Variants in NR2F2 observed in about 807,000 individuals in gnomAD.
The protein encoded by NR2F2 is COUP transcription factor 2.
In NR2F2, 2 loss-of-function variants were observed where a neutral mutation model predicts 34.8. That is an observed-to-expected ratio of 0.06 (90% CI 0.02 to 0.18). The LOEUF (loss-of-function observed/expected upper bound fraction) is 0.18. NR2F2 is among the 10% of genes least tolerant of loss of function. The pLI, the probability that NR2F2 is intolerant of heterozygous loss-of-function variation, is 1.00. For synonymous variants in NR2F2, 274 were observed against 251.8 expected, an observed-to-expected ratio of 1.09 and a Z score of -0.84; for missense variants, 300 against 580.1, an observed-to-expected ratio of 0.52 and a Z score of 4.96.
At chr15:96,336,973 G>C (rs1899346370) in intron 2 of NR2F2, among the ~76,000 whole-genome samples, 1 of 152,092 alleles carries the variant, frequency 6.6e-6, no homozygotes, top group Non-Finnish European at 1.5e-5. Context: ...GGGAGAGAGT[G>C]CTGGTAGTTT....
rs1346509804 is a variant in NR2F2 at position 96,339,815 on chromosome 15, C to G, written c.*2193C>G. 1.3e-5 allele frequency: 2 copies of G among 151,966 alleles called. No homozygotes were observed. The highest frequency in any genetic ancestry group is 2.4e-5 in the African/African-American group (1 of 41,324). 9.4% of individuals were successfully genotyped at this position (151,966 alleles called of 1,614,324 possible). A position where few individuals can be genotyped will look rare whatever the true frequency, so the allele number is the denominator to read the frequency against. The stretch of plus-strand genomic sequence containing the variant: ...ATTCAAGGTTTCCAACCCACCCCCC[C>G]ACCGCCAGTACTTCATCATGTTGTG... On this transcript the variant is annotated 3_prime_UTR_variant, in exon 3 of 3. Coordinates refer to ENST00000394166, the MANE Select transcript of NR2F2 (RefSeq NM_021005.4).
At chr15:96,326,060 A>T, upstream of NR2F2, 1 of 579,810 alleles carries the variant, frequency 1.7e-6, no homozygotes, top group Non-Finnish European at 3.1e-6. The surrounding 1 kb of genome is among the most constrained non-coding windows in gnomAD (Gnocchi z 5.5). Flanking sequence ...GTTAGTGTGC[A>T]GGGTTTTCCA....
chr15:96,328,706 G>T (rs1205573210), upstream of NR2F2, among the ~76,000 whole-genome samples: 1 of 151,272 alleles, frequency 6.6e-6, no homozygotes, highest in Non-Finnish European at 1.5e-5. Flanking sequence ...TCATTCTGTG[G>T]CAATCTTATT....
Position 96,330,969 on chromosome 15 carries a change from G to A in NR2F2, c.-1137G>A, listed in dbSNP as rs1899119062. The A allele has an allele frequency of 4.2e-6, 5 of 1,188,288 alleles. No homozygotes were observed. Among genetic ancestry groups the A allele is most frequent in the Non-Finnish European group, 5.2e-6 (5 of 959,026 alleles). The allele number at this position is 1,188,288 out of a possible 1,614,324, so 73.6% of individuals were successfully genotyped here. The stretch of plus-strand genomic sequence containing the variant: ...CACGAAGGATGTGCTTCTAGGTGGT[G>A]ATCTGCCCTCCTCTCTCTCTTTTAT... On this transcript the variant is annotated 5_prime_UTR_variant, in exon 1 of 3. Transcript: ENST00000394166.
At chr15:96,333,676 C>T (rs1294012285) in intron 1 of NR2F2, 2 of 1,105,892 alleles carry the variant, frequency 1.8e-6, no homozygotes, top group African/African-American at 3.2e-5. Flanking sequence ...AAGCGCCTCA[C>T]CCTCCCCCCA....
chr15:96,327,272 A>T (rs1192393256), upstream of NR2F2: 1 of 152,174 alleles, frequency 6.6e-6, no homozygotes, highest in Non-Finnish European at 1.5e-5. Context: ...GAGCCAATTA[A>T]TTTTAAATCC....
rs1899123213 is a variant in NR2F2 at position 96,331,055 on chromosome 15, AGCAGCAGCAGCAGCGGCTCCG to A, written c.-1048_-1028del. ...CCTATGTGTGTGAGGCGGCGGCGGC[AGCAGCAGCAGCAGCGGCTCCG>A]GCGGCGGCAGCAGCGGCAGCAGCGA... On this transcript the variant is annotated 5_prime_UTR_variant, in exon 1 of 3. Coordinates refer to ENST00000394166, the MANE Select transcript of NR2F2 (RefSeq NM_021005.4). The A allele has an allele frequency of 8.4e-7, 1 of 1,185,756 alleles. No homozygotes were observed. Among genetic ancestry groups the A allele is most frequent in the Non-Finnish European group, 1.0e-6 (1 of 957,192 alleles). The allele number at this position is 1,185,756 out of a possible 1,614,324, so 73.5% of individuals were successfully genotyped here.
In NR2F2 at chr15:96,332,040, G is replaced by A; in HGVS notation, c.-66G>A. The A allele has an allele frequency of 6.4e-6, 8 of 1,241,654 alleles. No individual in the cohort carries two copies. Among genetic ancestry groups the A allele is most frequent in the Non-Finnish European group, 8.1e-6 (8 of 991,780 alleles). The allele number at this position is 1,241,654 out of a possible 1,614,324, so 76.9% of individuals were successfully genotyped here. On this transcript the variant is annotated 5_prime_UTR_variant, in exon 1 of 3. Transcript: ENST00000394166. ...CGCGCCGGAGCCCGAGACCCGGGGAGCCGCCGCCGCCCCGCCGCCGCCCGC... is the reference window on the plus strand; with the variant it reads ...CGCGCCGGAGCCCGAGACCCGGGGAACCGCCGCCGCCCCGCCGCCGCCCGC...
At position 96,330,949 on chromosome 15, in the gene NR2F2, A is replaced by G; in HGVS notation, c.-1157A>G. On this transcript the variant is annotated 5_prime_UTR_variant, in exon 1 of 3. Coordinates refer to ENST00000394166, the MANE Select transcript of NR2F2 (RefSeq NM_021005.4). ...CTTTTTCTCCCCCCTCTGCGCACGA[A>G]GGATGTGCTTCTAGGTGGTGATCTG... 1 of 1,152,240 alleles carries G rather than the reference A, an allele frequency of 8.7e-7. No individual in the cohort carries two copies. Among genetic ancestry groups the G allele is most frequent in the South Asian group, 4.3e-5 (1 of 23,512 alleles). 71.4% of individuals were successfully genotyped at this position (1,152,240 alleles called of 1,614,324 possible).
In NR2F2 at chr15:96,332,076, G is replaced by C. The variant is rs1357358634; in HGVS notation, c.-30G>C. 7.8e-7 allele frequency: 1 copy of C among 1,281,128 alleles called. No individual in the cohort carries two copies. The highest frequency in any genetic ancestry group is 3.2e-5 in the East Asian group (1 of 31,106). The allele number at this position is 1,281,128 out of a possible 1,614,324, so 79.4% of individuals were successfully genotyped here. On this transcript the variant is annotated 5_prime_UTR_variant, in exon 1 of 3. Transcript: ENST00000394166. ...CCCGCCGCCGCCCGCAGCCAGGGGA[G>C]CAGGAAGTCCGGACGCAGCCCCCAT...
chr15:96,331,331 A>G lies in NR2F2; in HGVS notation c.-775A>G. 1 of 1,196,374 alleles carries G rather than the reference A, an allele frequency of 8.4e-7. No individual in the cohort carries two copies. 74.1% of individuals were successfully genotyped at this position (1,196,374 alleles called of 1,614,324 possible). On this transcript the variant is annotated 5_prime_UTR_variant, in exon 1 of 3. Coordinates refer to ENST00000394166, the MANE Select transcript of NR2F2 (RefSeq NM_021005.4). ...CCAGGACGACGCCGCGCAGCGCCCG[A>G]CGCGGACCACTTTCATGCTGATTCC...
At chr15:96,326,464 G>A (rs991515235), upstream of NR2F2, 5 of 913,704 alleles carry the variant, frequency 5.5e-6, no homozygotes, top group Admixed American at 3.9e-5. The surrounding 1 kb of genome is among the most constrained non-coding windows in gnomAD (Gnocchi z 5.5). Context: ...GTTTGCTAAC[G>A]TGTATGAAAT....
At chr15:96,329,769 C>CT (rs1456002973), upstream of NR2F2, among the ~76,000 whole-genome samples, 3 of 152,054 alleles carry the variant, frequency 2.0e-5, no homozygotes, top group African/African-American at 7.2e-5. Context: ...AGGATGTTGG[C>CT]TGGAGAGTTA....
Position 96,331,233 on chromosome 15 carries a change from G to A in NR2F2, c.-873G>A. 1.0e-6 allele frequency: 1 copy of A among 982,918 alleles called. No homozygotes were observed. Among genetic ancestry groups the A allele is most frequent in the Non-Finnish European group, 1.2e-6 (1 of 829,536 alleles). 60.9% of individuals were successfully genotyped at this position (982,918 alleles called of 1,614,324 possible). A position where few individuals can be genotyped will look rare whatever the true frequency, so the allele number is the denominator to read the frequency against. On this transcript the variant is annotated 5_prime_UTR_variant, in exon 1 of 3. Coordinates refer to ENST00000394166, the MANE Select transcript of NR2F2 (RefSeq NM_021005.4). Reference sequence around the variant, plus strand: ...CGAGCGGCCTCCACCCAGCGACTGCGGGCGGCGGCGGCCGGAGAGAGCGAG... The same window carrying A: ...CGAGCGGCCTCCACCCAGCGACTGCAGGCGGCGGCGGCCGGAGAGAGCGAG...
upstream of NR2F2, chr15:96,327,359 A>C (rs1378912308): frequency 6.6e-6 from 1 of 152,178 alleles, no homozygotes. Context: ...GTTTCCCTTT[A>C]AGAGCTCCTT....
At chr15:96,334,912 C>CCTCA (rs1596429101) in intron 2 of NR2F2, among the ~76,000 whole-genome samples, 1 of 152,366 alleles carries the variant, frequency 6.6e-6, no homozygotes, top group East Asian at 1.9e-4. Flanking sequence ...GCTCCCTTTC[C>CCTCA]TGAGCCCAGG....
intron 1 of NR2F2, 133 bp downstream of exon 1, chr15:96,332,680 C>T (rs961553941): frequency 6.9e-6 from 10 of 1,447,956 alleles, no homozygotes; most frequent in East Asian, 5.0e-5. Flanking sequence ...GGGTTTTATA[C>T]TAGAAGCGAG....
At position 96,332,030 on chromosome 15, in the gene NR2F2, G is replaced by C; in HGVS notation, c.-76G>C. The C allele has an allele frequency of 4.9e-6, 6 of 1,232,684 alleles. No individual in the cohort carries two copies. The highest frequency in any genetic ancestry group is 6.1e-6 in the Non-Finnish European group (6 of 986,644). 76.4% of individuals were successfully genotyped at this position (1,232,684 alleles called of 1,614,324 possible). A position where few individuals can be genotyped will look rare whatever the true frequency, so the allele number is the denominator to read the frequency against. On this transcript the variant is annotated 5_prime_UTR_variant, in exon 1 of 3. Coordinates refer to ENST00000394166, the MANE Select transcript of NR2F2 (RefSeq NM_021005.4). Reference sequence around the variant, plus strand: ...CAAAAGGCGGCGCGCCGGAGCCCGAGACCCGGGGAGCCGCCGCCGCCCCGC... The same window carrying C: ...CAAAAGGCGGCGCGCCGGAGCCCGACACCCGGGGAGCCGCCGCCGCCCCGC...
At position 96,338,265 on chromosome 15, in the gene NR2F2, G is replaced by A. The variant is rs1294493210; in HGVS notation, c.*643G>A. ...GTGACCAAAATTTTTAGGTGAAGTC[G>A]AGCACTCTAATTAGAGAACTGGAGG... On this transcript the variant is annotated 3_prime_UTR_variant, in exon 3 of 3. Transcript: ENST00000394166. 5 of 152,554 alleles carry A rather than the reference G, an allele frequency of 3.3e-5. No homozygotes were observed. Among genetic ancestry groups the A allele is most frequent in the Admixed American group, 6.6e-5 (1 of 15,262 alleles). 9.5% of individuals were successfully genotyped at this position (152,554 alleles called of 1,614,324 possible).
Sources: gnomAD v4.1 joint callset for allele counts (sites outside exome capture counted in the v4.1 genomes callset) on GRCh38, gnomAD v4.1.1 for gene constraint, Gnocchi (gnomAD v3.1) non-coding constraint, MANE v1.5 for transcripts, NCBI Gene and HGNC (gene_info 2026-07-23, HGNC 2026-07-21) for gene names.